The following LRP1B variants were observed in gnomAD, a reference collection of about 807,000 sequenced individuals.
The protein encoded by LRP1B is low-density lipoprotein receptor-related protein 1B.
A neutral mutation model predicts 556.6 loss-of-function variants in LRP1B; 217 were observed. The ratio of observed to expected loss-of-function variants is 0.39; its 90% CI spans 0.35 to 0.44. The LOEUF (loss-of-function observed/expected upper bound fraction) is 0.44. LRP1B is among the 20% of genes least tolerant of loss of function. LRP1B has a pLI of 1.00. For synonymous variants in LRP1B, 2,047 were observed against 1,865.8 expected, an observed-to-expected ratio of 1.10 and a Z score of -2.50; for missense variants, 5,053 against 5,620.8, an observed-to-expected ratio of 0.90 and a Z score of 3.23.
chr2:141,909,526 ATTTTTTTTTTTTTTT>A (rs377577096), intron 1 of LRP1B, among the ~76,000 whole-genome samples: 41,368 of 96,922 alleles, frequency 0.43, 8,104 homozygotes, highest in East Asian at 0.58. Flanking sequence ...GGTCTCAGAC[ATTTTTTTTTTTTTTT>A]TTTTTTTTTT....
chr2:141,558,063 C>T (rs1282317434), intron 2 of LRP1B, among the ~76,000 whole-genome samples: 1 of 151,914 alleles, frequency 6.6e-6, no homozygotes, highest in East Asian at 1.9e-4. Flanking sequence ...ACTGCAATCT[C>T]AGGGGCAATT....
At position 140,886,605 on chromosome 2, in the gene LRP1B, A is replaced by T. The variant is rs562481062; in HGVS notation, c.3767-270T>A. ...ATAGAAGAATTATTGCCACGCAAAG[A>T]CAAAATGGAGGATTTTCTGTTTTTT... is the stretch of plus-strand genomic sequence containing the variant. On this transcript the variant is annotated intron_variant, in intron 23 of 90. Coordinates refer to ENST00000389484, the MANE Select transcript of LRP1B (RefSeq NM_018557.3). Among the ~76,000 whole-genome samples the T allele has an allele frequency of 8.5e-5, 12 of 140,664 alleles. No homozygotes were observed. The East Asian group carries it at 2.6e-3, about 30-fold the overall frequency. The allele number at this position is 140,664 out of a possible 152,430, so 92.3% of individuals were successfully genotyped here.
At chr2:141,738,072 G>C (rs1010277751) in intron 2 of LRP1B, among the ~76,000 whole-genome samples, 1 of 151,794 alleles carries the variant, frequency 6.6e-6, no homozygotes, top group Admixed American at 6.6e-5. Flanking sequence ...AAATTGTGCT[G>C]TGCACAATAT....
At chr2:142,116,951 A>G (rs1707295007) in intron 1 of LRP1B, among the ~76,000 whole-genome samples, 1 of 152,184 alleles carries the variant, frequency 6.6e-6, no homozygotes, top group Non-Finnish European at 1.5e-5. Flanking sequence ...TCTACTTATC[A>G]GAATCATATC....
chr2:141,533,461 G>A (rs1418679204), intron 2 of LRP1B, among the ~76,000 whole-genome samples: 1 of 152,148 alleles, frequency 6.6e-6, no homozygotes, highest in South Asian at 2.1e-4. Flanking sequence ...GCACACAGGT[G>A]CATTTAGGTA....
rs768383851 is a variant in LRP1B, at chr2:142,130,663, C to A, written c.67G>T (p.Val23Leu). ...GLLPIARVLT[V>L]GADRDQQLCD... ...TTCTCCTTACCTCGGTCGGCTCCCA[C>A]GGTCAGCACCCTGGCAATCGGCAAT... The change falls in exon 1 of 91, where the codon GTG becomes TTG. Residue 23 changes from valine to leucine, a missense_variant. Val to Leu is a conservative substitution (Grantham distance 32, BLOSUM62 1). Coordinates refer to ENST00000389484, the MANE Select transcript of LRP1B (RefSeq NM_018557.3). 7 of 1,612,552 alleles carry A rather than the reference C, an allele frequency of 4.3e-6. No homozygotes were observed. Among genetic ancestry groups the A allele is most frequent in the Non-Finnish European group, 5.1e-6 (6 of 1,179,150 alleles).
Position 141,059,009 on chromosome 2 carries a change from C to G in LRP1B, c.1282G>C (p.Ala428Pro), listed in dbSNP as rs966289833. 6.3e-7 allele frequency: 1 copy of G among 1,587,764 alleles called. No homozygotes were observed. Among genetic ancestry groups the G allele is most frequent in the Non-Finnish European group, 8.6e-7 (1 of 1,165,392 alleles). Residue 428 changes from alanine to proline, a missense_variant, in exon 9 of 91, where the codon GCA (alanine) becomes CCA (proline). Physicochemically the swap from Ala to Pro is conservative, Grantham distance 27. Coordinates refer to ENST00000389484, the MANE Select transcript of LRP1B (RefSeq NM_018557.3). ...GITVFEDYLY[A>P]TNSDNYNIVR... ...ATATTGTAGTTATCAGAATTGGTTG[C>G]ATACAAATAATCTTCAAACACAGTT...
intron 2 of LRP1B, among the ~76,000 whole-genome samples, chr2:141,709,673 TA>T (rs1272164027): frequency 1.3e-5 from 2 of 152,080 alleles, no homozygotes. Context: ...ATTGATAAAA[TA>T]AGGACACAAA....
intron 66 of LRP1B, among the ~76,000 whole-genome samples, chr2:140,414,387 TA>T (rs1040956067): frequency 7.5e-4 from 114 of 151,588 alleles, no homozygotes; most frequent in Middle Eastern, 3.4e-3. Flanking sequence ...GTAAAATATT[TA>T]AAAAAAAATA....
chr2:140,627,798 T>A (rs956955644), intron 41 of LRP1B, among the ~76,000 whole-genome samples: 1 of 152,138 alleles, frequency 6.6e-6, no homozygotes, highest in Admixed American at 6.5e-5. Context: ...AATCATGAAA[T>A]TGGTATCTGT....
At chr2:141,763,775 C>T (rs1694640487) in intron 2 of LRP1B, among the ~76,000 whole-genome samples, 1 of 151,904 alleles carries the variant, frequency 6.6e-6, no homozygotes, top group African/African-American at 2.4e-5. Flanking sequence ...ATTTTAAAAG[C>T]CAGAAGTTTA....
At chr2:141,494,944 GTTA>G (rs2105120426) in intron 2 of LRP1B, among the ~76,000 whole-genome samples, 1 of 151,800 alleles carries the variant, frequency 6.6e-6, no homozygotes, top group South Asian at 2.1e-4. Context: ...AAAGATATCT[GTTA>G]TTGAGATACT....
chr2:141,892,731 G>T (rs1469494604), intron 1 of LRP1B, among the ~76,000 whole-genome samples: 3 of 152,048 alleles, frequency 2.0e-5, no homozygotes, highest in Non-Finnish European at 4.4e-5. Context: ...GATTACAGAG[G>T]TCAAAATGGT....
chr2:140,544,633 T>C (rs1290089986), intron 43 of LRP1B, among the ~76,000 whole-genome samples: 4 of 152,130 alleles, frequency 2.6e-5, no homozygotes, highest in African/African-American at 7.2e-5. Context: ...TCCATCCATA[T>C]TTCTACAAAG....
chr2:141,127,188 G>C (rs1289626142), intron 7 of LRP1B, among the ~76,000 whole-genome samples: 2 of 152,126 alleles, frequency 1.3e-5, no homozygotes, highest in Admixed American at 6.6e-5. Context: ...ACCACAATGA[G>C]ATACCATCTT....
At chr2:141,620,748 T>A (rs1014532214) in intron 2 of LRP1B, among the ~76,000 whole-genome samples, 4 of 152,114 alleles carry the variant, frequency 2.6e-5, no homozygotes, top group Admixed American at 6.5e-5. Flanking sequence ...CACTGTTTTG[T>A]TTTTTTCTTT....
intron 1 of LRP1B, among the ~76,000 whole-genome samples, chr2:142,117,251 G>C (rs1385248593): frequency 1.3e-5 from 2 of 152,004 alleles, no homozygotes; most frequent in African/African-American, 4.8e-5. Flanking sequence ...ACCTCTGCTG[G>C]GTCATTAATG....
At chr2:141,883,818 T>A (rs1699029172) in intron 1 of LRP1B, among the ~76,000 whole-genome samples, 1 of 152,266 alleles carries the variant, frequency 6.6e-6, no homozygotes, top group Admixed American at 6.5e-5. Context: ...TCCAAGCCAG[T>A]AGTTACTTGG....
intron 7 of LRP1B, among the ~76,000 whole-genome samples, chr2:141,096,532 T>C (rs1224401900): frequency 6.6e-6 from 1 of 151,498 alleles, no homozygotes; most frequent in Non-Finnish European, 1.5e-5. Context: ...GTAACACACC[T>C]ATCTGTGATT....
Sources: gnomAD v4.1 joint callset for allele counts (sites outside exome capture counted in the v4.1 genomes callset) on GRCh38, gnomAD v4.1.1 for gene constraint, MANE v1.5 for transcripts, NCBI Gene and HGNC (gene_info 2026-07-23, HGNC 2026-07-21) for gene names.